The following NSG2 variants were observed in gnomAD, a reference collection of about 807,000 sequenced individuals.
The protein encoded by NSG2 is neuronal vesicle trafficking-associated protein 2.
In NSG2, 4 loss-of-function variants were observed where a neutral mutation model predicts 16.9. The observed-to-expected ratio is 0.24, with a 90% CI of 0.12 to 0.54. The LOEUF (loss-of-function observed/expected upper bound fraction) is 0.54, where lower values mean the gene tolerates loss of function less well. Among genes scored for constraint, NSG2 ranks in the 20% least tolerant of loss-of-function variants. NSG2 has a pLI of 0.95. For synonymous variants in NSG2, 98 were observed against 88.7 expected (o/e 1.11, Z -0.59); for missense variants, 179 against 221.1 (o/e 0.81, Z 1.21).
intron 3 of NSG2, among the ~76,000 whole-genome samples, chr5:174,097,619 CTG>C (rs923677352): frequency 7.2e-5 from 10 of 139,220 alleles, no homozygotes; most frequent in Admixed American, 2.8e-4. Flanking sequence ...GTGTTTCTCT[CTG>C]TGTGTGTCTC....
At chr5:174,079,046 T>C (rs974264150) in intron 3 of NSG2, among the ~76,000 whole-genome samples, 1 of 152,112 alleles carries the variant, frequency 6.6e-6, no homozygotes, top group African/African-American at 2.4e-5. Flanking sequence ...AGAGGGTATA[T>C]ACACCTTCCC....
intron 2 of NSG2, among the ~76,000 whole-genome samples, chr5:174,051,321 T>G (rs1759885520): frequency 6.6e-6 from 1 of 151,918 alleles, no homozygotes; most frequent in African/African-American, 2.4e-5. Flanking sequence ...TGCCCTAGAG[T>G]CTTGCATACT....
chr5:174,054,747 AACTTGTTC>A (rs1243583751), intron 2 of NSG2, among the ~76,000 whole-genome samples: 1 of 152,208 alleles, frequency 6.6e-6, no homozygotes, highest in African/African-American at 2.4e-5. Flanking sequence ...GAATGGATGT[AACTTGTTC>A]ACTTTGACAC....
chr5:174,073,460 G>A (rs916795324), intron 3 of NSG2, among the ~76,000 whole-genome samples: 3 of 152,244 alleles, frequency 2.0e-5, no homozygotes, highest in Non-Finnish European at 4.4e-5. Context: ...ATTTGCACAT[G>A]AGGACTTGGT....
intron 3 of NSG2, chr5:174,064,565 C>T: frequency 3.1e-6 from 1 of 319,602 alleles, no homozygotes. Flanking sequence ...ATAAATGCCT[C>T]TTCTATTCCT....
chr5:174,049,211 G>T (rs533483345), intron 2 of NSG2, among the ~76,000 whole-genome samples: 2 of 152,074 alleles, frequency 1.3e-5, no homozygotes, highest in African/African-American at 2.4e-5. Flanking sequence ...GTGGTGGTGG[G>T]TGCCTGTAGT....
intron 3 of NSG2, among the ~76,000 whole-genome samples, chr5:174,102,350 A>G (rs961066436): frequency 2.0e-5 from 3 of 152,198 alleles, no homozygotes; most frequent in African/African-American, 7.2e-5. Flanking sequence ...AAGAGATGGC[A>G]TGGGCACTCC....
At chr5:174,094,650 A>G (rs896405221) in intron 3 of NSG2, among the ~76,000 whole-genome samples, 6 of 152,196 alleles carry the variant, frequency 3.9e-5, no homozygotes, top group Non-Finnish European at 7.3e-5. Context: ...TTTGAGGGGC[A>G]CAGCAGGCAG....
intron 2 of NSG2, among the ~76,000 whole-genome samples, chr5:174,061,909 CTTTTTTTTTTTTT>C (rs11426817): frequency 4.3e-5 from 5 of 116,638 alleles, no homozygotes; most frequent in Admixed American, 8.7e-5. Flanking sequence ...AGCCCCCAAA[CTTTTTTTTTTTTT>C]TTTTTTTTTA....
At chr5:174,071,468 A>G (rs1439884317) in intron 3 of NSG2, among the ~76,000 whole-genome samples, 1 of 152,240 alleles carries the variant, frequency 6.6e-6, no homozygotes, top group East Asian at 1.9e-4. Flanking sequence ...GCCTGACGAC[A>G]GAGCAAGACT....
In NSG2 at chr5:174,108,648, C is replaced by T. The variant is rs1322202459; in HGVS notation, c.*1143C>T. ...AAACTCCCCAACCGAGTTCTAGAAG[C>T]TCCTGACAAGGAGGCAGCATCCAGC... On this transcript the variant is annotated 3_prime_UTR_variant, in exon 5 of 5. Coordinates refer to ENST00000303177, the MANE Select transcript of NSG2 (RefSeq NM_015980.5). 2 of 152,372 alleles carry T rather than the reference C, an allele frequency of 1.3e-5. No homozygotes were observed. The highest frequency in any genetic ancestry group is 2.9e-5 in the Non-Finnish European group (2 of 68,044). 9.4% of individuals were successfully genotyped at this position (152,372 alleles called of 1,614,324 possible).
chr5:174,101,543 C>T (rs1760895762), intron 3 of NSG2, among the ~76,000 whole-genome samples: 2 of 152,210 alleles, frequency 1.3e-5, no homozygotes, highest in Admixed American at 1.3e-4. Flanking sequence ...CAGATGGAAT[C>T]ACATGACATG....
At chr5:174,081,848 C>T (rs1393475096) in intron 3 of NSG2, among the ~76,000 whole-genome samples, 2 of 144,600 alleles carry the variant, frequency 1.4e-5, no homozygotes, top group Non-Finnish European at 3.0e-5. Context: ...CAAGATGGCA[C>T]CACTGCACTC....
chr5:174,075,646 C>T (rs139780068), intron 3 of NSG2, among the ~76,000 whole-genome samples: 3 of 152,350 alleles, frequency 2.0e-5, no homozygotes, highest in East Asian at 3.9e-4. Context: ...TGTCATGCCA[C>T]CTGCTCCGCA....
At chr5:174,096,933 G>A (rs1000150887) in intron 3 of NSG2, among the ~76,000 whole-genome samples, 1 of 152,080 alleles carries the variant, frequency 6.6e-6, no homozygotes, top group Non-Finnish European at 1.5e-5. Context: ...GCCTTTTCTC[G>A]ACTTACCTCT....
intron 2 of NSG2, among the ~76,000 whole-genome samples, chr5:174,055,126 ACATGGTCTGGGC>A (rs1464996824): frequency 6.6e-6 from 1 of 152,210 alleles, no homozygotes; most frequent in African/African-American, 2.4e-5. Flanking sequence ...GTGAACAGTG[ACATGGTCTGGGC>A]CTCTGGACTG....
rs72447938 is a variant in NSG2 at position 174,080,525 on chromosome 5, T to TTCTC, written c.213+16232_213+16235dup. On this transcript the variant is annotated intron_variant, in intron 3 of 4. Coordinates refer to ENST00000303177, the MANE Select transcript of NSG2 (RefSeq NM_015980.5). ...TTTCTTTCTTTCCCTCTTTCTTTCT[T>TTCTC]TCTCTCTCTCTCTCTCTCTCTCTCT... Among the ~76,000 whole-genome samples the TTCTC allele has an allele frequency of 3.5e-3, 444 of 125,260 alleles. 6 individuals are homozygous for TTCTC. The highest frequency in any genetic ancestry group is 7.5e-3 in the South Asian group (28 of 3,720). 82.2% of individuals were successfully genotyped at this position (125,260 alleles called of 152,430 possible). A position where few individuals can be genotyped will look rare whatever the true frequency, so the allele number is the denominator to read the frequency against.
chr5:174,102,092 A>G (rs1760903604), intron 3 of NSG2, among the ~76,000 whole-genome samples: 1 of 152,194 alleles, frequency 6.6e-6, no homozygotes, highest in Admixed American at 6.5e-5. Flanking sequence ...CATGGTGTCA[A>G]CAGTAGCTTA....
intron 2 of NSG2, among the ~76,000 whole-genome samples, chr5:174,049,603 G>A (rs1581215344): frequency 6.6e-6 from 1 of 152,084 alleles, no homozygotes; most frequent in East Asian, 1.9e-4. Flanking sequence ...AAATAGCTGG[G>A]AAAGCATCCT....
Sources: gnomAD v4.1 joint callset for allele counts (sites outside exome capture counted in the v4.1 genomes callset) on GRCh38, gnomAD v4.1.1 for gene constraint, MANE v1.5 for transcripts, NCBI Gene and HGNC (gene_info 2026-07-23, HGNC 2026-07-21) for gene names.